PCDHAC2: variants seen among roughly 807,000 people sequenced by gnomAD.
PCDHAC2 encodes protocadherin alpha subfamily C, 2.
In PCDHAC2, 24 loss-of-function variants were observed where a neutral mutation model predicts 63.3. The ratio of observed to expected loss-of-function variants is 0.38; its 90% CI spans 0.27 to 0.53. The LOEUF (loss-of-function observed/expected upper bound fraction) is 0.53, where lower values mean the gene tolerates loss of function less well. PCDHAC2 is among the 20% of genes least tolerant of loss of function. The pLI is 0.81. For missense variants in PCDHAC2, 1,181 were observed against 1,275.2 expected, an observed-to-expected ratio of 0.93 and a Z score of 1.12; for synonymous variants, 569 against 529.4, an observed-to-expected ratio of 1.07 and a Z score of -1.03.
At chr5:140,999,620 G>A (rs184259991) in intron 3 of PCDHAC2, among the ~76,000 whole-genome samples, 6 of 152,262 alleles carry the variant, frequency 3.9e-5, no homozygotes, top group African/African-American at 1.2e-4. Flanking sequence ...TATCAACCAG[G>A]AAACAAGGTA....
rs1554228541 is a variant in PCDHAC2 at position 140,966,673 on chromosome 5, T to C, written c.-94T>C. 2.3e-6 allele frequency: 3 copies of C among 1,290,056 alleles called. No homozygotes were observed. The African/African-American group carries it at 4.7e-5, about 20-fold the overall frequency. The allele number at this position is 1,290,056 out of a possible 1,614,324, so 79.9% of individuals were successfully genotyped here. A position where few individuals can be genotyped will look rare whatever the true frequency, so the allele number is the denominator to read the frequency against. On this transcript the variant is annotated 5_prime_UTR_variant, in exon 1 of 4. Coordinates refer to ENST00000289269, the MANE Select transcript of PCDHAC2 (RefSeq NM_018899.6). ...GAGCGGTGGGGGAGCAGGCGCAGGG[T>C]GGCACGAGCGGAGGCGGGGCCCGGG...
intron 3 of PCDHAC2, among the ~76,000 whole-genome samples, chr5:140,991,358 A>G (rs1417256360): frequency 6.6e-6 from 1 of 152,234 alleles, no homozygotes; most frequent in African/African-American, 2.4e-5. Context: ...AAGACTATTT[A>G]CTGTCTGAGT....
intron 3 of PCDHAC2, among the ~76,000 whole-genome samples, chr5:140,989,263 A>G (rs2097334941): frequency 6.6e-6 from 1 of 152,146 alleles, no homozygotes; most frequent in South Asian, 2.1e-4. Flanking sequence ...GGGAGATTCA[A>G]GTTTCTGCTG....
At chr5:140,998,295 A>G (rs2097805023) in intron 3 of PCDHAC2, among the ~76,000 whole-genome samples, 1 of 152,206 alleles carries the variant, frequency 6.6e-6, no homozygotes, top group Non-Finnish European at 1.5e-5. Context: ...CAGATCACAC[A>G]TTTAGTAAGG....
intron 3 of PCDHAC2, among the ~76,000 whole-genome samples, chr5:141,005,117 C>A (rs2098198148): frequency 6.6e-6 from 1 of 152,214 alleles, no homozygotes; most frequent in South Asian, 2.1e-4. Flanking sequence ...TCTTTAGGGA[C>A]CCCAAAAGTG....
At chr5:140,984,295 A>C (rs1195087908) in intron 3 of PCDHAC2, among the ~76,000 whole-genome samples, 3 of 152,208 alleles carry the variant, frequency 2.0e-5, no homozygotes, top group African/African-American at 7.2e-5. Flanking sequence ...CCCATTGGTG[A>C]TGCTGGTTGG....
intron 3 of PCDHAC2, among the ~76,000 whole-genome samples, chr5:140,997,680 G>A (rs954561672): frequency 6.6e-6 from 1 of 151,954 alleles, no homozygotes; most frequent in African/African-American, 2.4e-5. Context: ...GTGTGTGTGT[G>A]TGTGTGTGTG....
In PCDHAC2 at chr5:140,968,393, C is replaced by T. The variant is rs747934843; in HGVS notation, c.1627C>T (p.Arg543Trp). 1.8e-5 allele frequency: 29 copies of T among 1,613,976 alleles called. No homozygotes were observed. Among genetic ancestry groups the T allele is most frequent in the East Asian group, 2.2e-5 (1 of 44,886 alleles). Reference sequence around the variant, plus strand: ...CAACTCCTTTGACTATGAGAAGTTTCGGGAGTTCTTTGTGACTGTGGAGGC... The same window carrying T: ...CAACTCCTTTGACTATGAGAAGTTTTGGGAGTTCTTTGTGACTGTGGAGGC... ...AVNSFDYEKF[R>W]EFFVTVEAQD... Residue 543 changes from arginine to tryptophan, a missense_variant, in exon 1 of 4, where the codon CGG becomes TGG. Coordinates refer to ENST00000289269, the MANE Select transcript of PCDHAC2 (RefSeq NM_018899.6).
At chr5:140,994,789 G>A (rs901197365) in intron 3 of PCDHAC2, among the ~76,000 whole-genome samples, 8 of 152,260 alleles carry the variant, frequency 5.3e-5, no homozygotes, top group South Asian at 4.1e-4. Flanking sequence ...GAAACAATGC[G>A]TGCATGCAAA....
chr5:140,976,798 A>G (rs571590033), intron 1 of PCDHAC2, among the ~76,000 whole-genome samples: 169 of 152,368 alleles, frequency 1.1e-3, no homozygotes, highest in Admixed American at 1.8e-3. Context: ...GCTTTTATGA[A>G]TATCTGAAGA....
intron 1 of PCDHAC2, among the ~76,000 whole-genome samples, chr5:140,972,693 C>A (rs1358194667): frequency 2.3e-5 from 3 of 130,312 alleles, no homozygotes; most frequent in East Asian, 4.7e-4. Flanking sequence ...GAGATGGAGT[C>A]TCACTCTGTT....
At chr5:140,986,246 C>G (rs561365390) in intron 3 of PCDHAC2, among the ~76,000 whole-genome samples, 1 of 152,296 alleles carries the variant, frequency 6.6e-6, no homozygotes, top group South Asian at 2.1e-4. Flanking sequence ...TGAGCAGACC[C>G]GGACCACAGG....
Position 141,009,910 on chromosome 5 carries a change from C to G in PCDHAC2, c.2997C>G (p.Asn999Lys), listed in dbSNP as rs1554262551. ...CCCAGGAGAAAAAAGAGAAAGGGAA[C>G]AGCACGACTGACAACAGTGACCAGT... The part of the protein sequence containing the change: ...NKTQEKKEKG[N>K]STTDNSDQ Residue 999 changes from asparagine to lysine, a missense_variant, in exon 4 of 4, where the codon AAC (asparagine) becomes AAG (lysine). Physicochemically the swap from Asn to Lys is moderately conservative, Grantham distance 94 (BLOSUM62 0). This residue lies in a region of PCDHAC2 where 968 missense variants were observed against 1,073.5 expected (regional missense o/e 0.90). Transcript: ENST00000289269. 28 of 1,612,616 alleles carry G rather than the reference C, an allele frequency of 1.7e-5. No homozygotes were observed. Among genetic ancestry groups the G allele is most frequent in the African/African-American group, 5.4e-5 (4 of 74,736 alleles).
At chr5:140,997,673 TG>T (rs1554255971) in intron 3 of PCDHAC2, among the ~76,000 whole-genome samples, 41 of 149,136 alleles carry the variant, frequency 2.7e-4, no homozygotes, top group African/African-American at 9.9e-4. Context: ...ACAGCTTGTG[TG>T]TGTGTGTGTG....
rs1430300644 is a variant in PCDHAC2 at position 141,011,992 on chromosome 5, C to T, written c.*2055C>T. 6.5e-6 allele frequency: 1 copy of T among 153,658 alleles called. No individual in the cohort carries two copies. The highest frequency in any genetic ancestry group is 1.5e-5 in the Non-Finnish European group (1 of 68,022). 9.5% of individuals were successfully genotyped at this position (153,658 alleles called of 1,614,324 possible). ...TGTCTTGTCTACTTTTAGCTTCATTCTCCCATATTTTGAAGGGTGTGTAAC... is the reference window on the plus strand; with the variant it reads ...TGTCTTGTCTACTTTTAGCTTCATTTTCCCATATTTTGAAGGGTGTGTAAC... On this transcript the variant is annotated 3_prime_UTR_variant, in exon 4 of 4. Transcript: ENST00000289269.
rs782034487 is a variant in PCDHAC2, at chr5:140,966,928, C to T, written c.162C>T (p.Pro54=). The T allele has an allele frequency of 6.2e-7, 1 of 1,603,332 alleles. No homozygotes were observed. The highest frequency in any genetic ancestry group is 1.1e-5 in the South Asian group (1 of 90,712). ...ACTCTGTGCCAGAGGAGCAGGCACC[C>T]GGCGCGCTCGTGGGCAACGTGGCTC... The part of the protein sequence containing the change: ...LRYSVPEEQA[P]GALVGNVARA... Residue 54 remains proline, a synonymous_variant, in exon 1 of 4, where the codon CCC becomes CCT. Coordinates refer to ENST00000289269, the MANE Select transcript of PCDHAC2 (RefSeq NM_018899.6).
intron 3 of PCDHAC2, among the ~76,000 whole-genome samples, chr5:141,001,760 G>A (rs2098035777): frequency 6.6e-6 from 1 of 152,146 alleles, no homozygotes; most frequent in South Asian, 2.1e-4. Flanking sequence ...GGTTGATGGC[G>A]GATGGTTTTT....
chr5:140,978,240 C>G (rs1290697340), intron 1 of PCDHAC2, among the ~76,000 whole-genome samples: 1 of 152,174 alleles, frequency 6.6e-6, no homozygotes, highest in African/African-American at 2.4e-5. Flanking sequence ...TGGATTTCAG[C>G]TACTCCCTGT....
chr5:141,010,124 G>A lies in PCDHAC2; in HGVS notation c.*187G>A. ...GGTTTTGTCGTAAAAGCTTTACTAAGTCTGGTGTTAACTCTTTCTCTCCAC... is the reference window on the plus strand; with the variant it reads ...GGTTTTGTCGTAAAAGCTTTACTAAATCTGGTGTTAACTCTTTCTCTCCAC... On this transcript the variant is annotated 3_prime_UTR_variant, in exon 4 of 4. Coordinates refer to ENST00000289269, the MANE Select transcript of PCDHAC2 (RefSeq NM_018899.6). The A allele has an allele frequency of 1.2e-6, 2 of 1,605,172 alleles. No homozygotes were observed. The highest frequency in any genetic ancestry group is 1.7e-6 in the Non-Finnish European group (2 of 1,175,146).
Sources: gnomAD v4.1 joint callset for allele counts (sites outside exome capture counted in the v4.1 genomes callset) on GRCh38, gnomAD v4.1.1 for gene constraint, gnomAD v4.1.1 regional missense constraint, MANE v1.5 for transcripts, NCBI Gene and HGNC (gene_info 2026-07-23, HGNC 2026-07-21) for gene names.